NAV2: variants seen among roughly 807,000 people sequenced by gnomAD.
NAV2 encodes helicase, APC down-regulated 1.
A neutral mutation model predicts 223.2 loss-of-function variants in NAV2; 54 were observed. That is an observed-to-expected ratio of 0.24 (90% CI 0.19 to 0.30). NAV2 has a LOEUF of 0.30. NAV2 is among the 10% of genes least tolerant of loss of function. The probability of loss-of-function intolerance (pLI) is 1.00; values close to 1 mark genes in which losing one functional copy is unlikely to be tolerated. For synonymous variants in NAV2, 1,279 were observed against 1,239.3 expected (o/e 1.03, Z -0.67); for missense variants, 2,806 against 3,147.5 (o/e 0.89, Z 2.60).
At chr11:20,075,666 C>T (rs964712744) in intron 22 of NAV2, among the ~76,000 whole-genome samples, 1 of 152,068 alleles carries the variant, frequency 6.6e-6, no homozygotes, top group Non-Finnish European at 1.5e-5. Flanking sequence ...TTAGCCTCCA[C>T]CATCCCTGTT....
intron 3 of NAV2, 35 bp downstream of exon 3, chr11:19,842,958 T>A: frequency 6.3e-7 from 1 of 1,586,886 alleles, no homozygotes; most frequent in East Asian, 2.2e-5. Context: ...GTTTGAGTTC[T>A]GTCAGCAAGC....
intron 4 of NAV2, among the ~76,000 whole-genome samples, chr11:19,879,309 A>G (rs1197804572): frequency 6.6e-6 from 1 of 152,202 alleles, no homozygotes; most frequent in Admixed American, 6.5e-5. Flanking sequence ...TGAGTCCATT[A>G]TGGAAGCAAG....
chr11:19,474,815 A>G (rs1338610419), intron 1 of NAV2, among the ~76,000 whole-genome samples: 2 of 152,232 alleles, frequency 1.3e-5, no homozygotes, highest in Non-Finnish European at 2.9e-5. Flanking sequence ...TTTTATTTCC[A>G]GGAGGTCTTG....
At chr11:19,883,990 AC>A (rs957639922) in intron 5 of NAV2, among the ~76,000 whole-genome samples, 1 of 152,150 alleles carries the variant, frequency 6.6e-6, no homozygotes, top group African/African-American at 2.4e-5. Context: ...CTTGTGAGGG[AC>A]CCCATATTTT....
Position 19,946,444 on chromosome 11 carries a change from C to T in NAV2, c.2190C>T (p.Ile730=), listed in dbSNP as rs773721352. 5.6e-6 allele frequency: 9 copies of T among 1,613,714 alleles called. No individual in the cohort carries two copies. The highest frequency in any genetic ancestry group is 3.3e-4 in the Middle Eastern group (2 of 6,060). Reference sequence around the variant, plus strand: ...GGCGGCTGCGGACAGTGAAGAACATCGCTGATCTGCGGCAGAATTTGGAGG... The same window carrying T: ...GGCGGCTGCGGACAGTGAAGAACATTGCTGATCTGCGGCAGAATTTGGAGG... The part of the protein sequence containing the change: ...EARRLRTVKN[I]ADLRQNLEET... Residue 730 remains isoleucine, a synonymous_variant, in exon 9 of 38, where the codon ATC becomes ATT. Transcript: ENST00000349880.
chr11:19,548,985 G>T (rs2044601673), intron 1 of NAV2, among the ~76,000 whole-genome samples: 1 of 151,782 alleles, frequency 6.6e-6, no homozygotes, highest in East Asian at 1.9e-4. Flanking sequence ...CTTTTTGTCT[G>T]ACCTGGGGTT....
intron 1 of NAV2, among the ~76,000 whole-genome samples, chr11:19,571,971 C>T (rs543624807): frequency 6.6e-6 from 1 of 152,250 alleles, no homozygotes; most frequent in South Asian, 2.1e-4. Flanking sequence ...CTTTCCCAAC[C>T]CTCTAAGCAC....
At chr11:19,956,381 C>T (rs2625308) in intron 10 of NAV2, among the ~76,000 whole-genome samples, 130,720 of 148,446 alleles carry the variant, frequency 0.88, 57,448 homozygotes, top group East Asian at 0.97. Flanking sequence ...CACACACACA[C>T]ACACACACAC....
intron 3 of NAV2, among the ~76,000 whole-genome samples, chr11:19,853,106 A>G (rs2061235958): frequency 6.6e-6 from 1 of 152,234 alleles, no homozygotes; most frequent in Non-Finnish European, 1.5e-5. Context: ...TGGAGAGATT[A>G]TTAAAACAGA....
At chr11:19,635,163 A>C (rs1464142006) in intron 1 of NAV2, among the ~76,000 whole-genome samples, 1 of 152,232 alleles carries the variant, frequency 6.6e-6, no homozygotes, top group Non-Finnish European at 1.5e-5. Flanking sequence ...AATATATAGC[A>C]GTATCGCAGG....
At chr11:19,902,906 C>T (rs868326660) in intron 6 of NAV2, among the ~76,000 whole-genome samples, 57 of 152,148 alleles carry the variant, frequency 3.7e-4, no homozygotes, top group African/African-American at 1.3e-3. Context: ...GCATATGTAG[C>T]CCATGTTCAC....
intron 1 of NAV2, among the ~76,000 whole-genome samples, chr11:19,484,744 G>A (rs532836090): frequency 3.3e-5 from 5 of 152,344 alleles, no homozygotes; most frequent in African/African-American, 1.2e-4. Flanking sequence ...CACAGCAACA[G>A]GCTGCTGGGG....
At chr11:20,075,979 A>G (rs2059725129) in intron 22 of NAV2, among the ~76,000 whole-genome samples, 2 of 151,958 alleles carry the variant, frequency 1.3e-5, no homozygotes, top group Admixed American at 6.6e-5. Flanking sequence ...CACTCCTCTC[A>G]TAGTTTCTCT....
At chr11:19,839,268 C>T (rs1643492873) in intron 2 of NAV2, among the ~76,000 whole-genome samples, 1 of 152,122 alleles carries the variant, frequency 6.6e-6, no homozygotes. Flanking sequence ...AGGCCTCCCT[C>T]CTTTGCTTAC....
At position 20,090,925 on chromosome 11, in the gene NAV2, A is replaced by T; in HGVS notation, c.5559A>T (p.Arg1853Ser). The change falls in exon 27 of 38, where the codon AGA (arginine) becomes AGT (serine). Residue 1853 changes from arginine (R) to serine (S), a missense_variant. Arg to Ser is a moderately radical substitution (Grantham distance 110). Coordinates refer to ENST00000349880, the MANE Select transcript of NAV2 (RefSeq NM_145117.5). ...TCATGCAGCTCCGAAATGAGTTAAG[A>T]GACAAGGAGATGAAGCTGACGGATA... ...ETVMQLRNEL[R>S]DKEMKLTDIR... 1 of 1,613,986 alleles carries T rather than the reference A, an allele frequency of 6.2e-7. No individual in the cohort carries two copies. Among genetic ancestry groups the T allele is most frequent in the Non-Finnish European group, 8.5e-7 (1 of 1,179,902 alleles).
At chr11:19,436,113 T>G (rs1851206199) in intron 1 of NAV2, among the ~76,000 whole-genome samples, 1 of 152,150 alleles carries the variant, frequency 6.6e-6, no homozygotes, top group African/African-American at 2.4e-5. Context: ...GCCTATGATT[T>G]TGGGGTCACA....
intron 1 of NAV2, among the ~76,000 whole-genome samples, chr11:19,564,676 T>C (rs550005278): frequency 6.6e-6 from 1 of 152,144 alleles, no homozygotes; most frequent in African/African-American, 2.4e-5. Flanking sequence ...TGCCGTCCCC[T>C]AGAAATCAGG....
chr11:19,826,345 A>C (rs2059638735), intron 1 of NAV2, among the ~76,000 whole-genome samples: 1 of 152,202 alleles, frequency 6.6e-6, no homozygotes, highest in African/African-American at 2.4e-5. Context: ...TGGATAGCTG[A>C]GGCTCAGACA....
chr11:19,685,164 C>T (rs930346759), intron 1 of NAV2, among the ~76,000 whole-genome samples: 1 of 152,152 alleles, frequency 6.6e-6, no homozygotes, highest in Non-Finnish European at 1.5e-5. Context: ...CTCAGAAGGC[C>T]CCACAGACTG....
Sources: gnomAD v4.1 joint callset for allele counts (sites outside exome capture counted in the v4.1 genomes callset) on GRCh38, gnomAD v4.1.1 for gene constraint, MANE v1.5 for transcripts, NCBI Gene and HGNC (gene_info 2026-07-23, HGNC 2026-07-21) for gene names.